Variants in KIF20B observed in about 807,000 individuals in gnomAD.
KIF20B encodes the protein kinesin-like protein KIF20B.
A neutral mutation model predicts 232.5 loss-of-function variants in KIF20B; 188 were observed. The ratio of observed to expected loss-of-function variants is 0.81; its 90% CI spans 0.72 to 0.91. The LOEUF is 0.91. Among genes scored for constraint, KIF20B ranks in the 40% least tolerant of loss-of-function variants. KIF20B has a pLI of 0.00. For missense variants in KIF20B, 2,154 were observed against 2,055.9 expected (o/e 1.05, Z -0.92); for synonymous variants, 712 against 683.0 (o/e 1.04, Z -0.66).
intron 2 of KIF20B, among the ~76,000 whole-genome samples, chr10:89,705,810 C>T (rs1226368973): frequency 6.6e-6 from 1 of 152,150 alleles, no homozygotes; most frequent in Non-Finnish European, 1.5e-5. Context: ...TTTATTGACT[C>T]CTGGATTGGC....
At chr10:89,760,236 C>T (rs1215362095) in intron 27 of KIF20B, among the ~76,000 whole-genome samples, 3 of 151,998 alleles carry the variant, frequency 2.0e-5, no homozygotes, top group Non-Finnish European at 4.4e-5. Context: ...TGCAGAGTTG[C>T]GATGAAAGTA....
At chr10:89,745,407 C>A (rs1341179241) in intron 22 of KIF20B, among the ~76,000 whole-genome samples, 1 of 152,098 alleles carries the variant, frequency 6.6e-6, no homozygotes, top group African/African-American at 2.4e-5. Context: ...CCTATAATCC[C>A]AGTTACTCAG....
chr10:89,770,939 C>G (rs1293088457), intron 31 of KIF20B, among the ~76,000 whole-genome samples: 1 of 152,048 alleles, frequency 6.6e-6, no homozygotes, highest in Admixed American at 6.6e-5. Flanking sequence ...ATTTCTGACT[C>G]TCTCCAATCT....
At position 89,727,859 on chromosome 10, in the gene KIF20B, C is replaced by T. The variant is rs776398093; in HGVS notation, c.2234C>T (p.Ser745Leu). 1.3e-6 allele frequency: 2 copies of T among 1,551,564 alleles called. No homozygotes were observed. Among genetic ancestry groups the T allele is most frequent in the Admixed American group, 3.7e-5 (2 of 54,626 alleles). The part of the protein sequence containing the change: ...KEELKKRENE[S>L]DSLIQELETS... ...TCAATGTTCTTTATTTTTTCAGAAT[C>T]AGATTCATTGATTCAAGAGCTTGAG... The change falls in exon 17 of 33, where the codon TCA (serine) becomes TTA (leucine). Residue 745 changes from serine to leucine, a missense_variant. By Grantham distance (145) the Ser-to-Leu change is moderately radical (BLOSUM62 -2). Coordinates refer to ENST00000371728, the MANE Select transcript of KIF20B (RefSeq NM_001284259.2).
chr10:89,761,201 T>A (rs1842231477), intron 28 of KIF20B, among the ~76,000 whole-genome samples: 1 of 152,198 alleles, frequency 6.6e-6, no homozygotes, highest in Non-Finnish European at 1.5e-5. Flanking sequence ...GTTGGGAACC[T>A]TTTTAAGCAC....
At chr10:89,716,838 C>T (rs1481276678) in intron 9 of KIF20B, among the ~76,000 whole-genome samples, 1 of 152,054 alleles carries the variant, frequency 6.6e-6, no homozygotes, top group Non-Finnish European at 1.5e-5. Flanking sequence ...GTGGCCTTTT[C>T]TCTGGGTCTT....
chr10:89,715,144 G>C lies in KIF20B; in HGVS notation c.902G>C (p.Arg301Pro). ...AAATTCCAAAAGAGAAAGATGCTGC[G>C]CCTTTCCCAAGACGTAAAGGGCTAT... ...SSKFQKRKML[R>P]LSQDVKGYSF... Residue 301 changes from arginine to proline, a missense_variant, in exon 8 of 33, where the codon CGC becomes CCC. Coordinates refer to ENST00000371728, the MANE Select transcript of KIF20B (RefSeq NM_001284259.2). 6.2e-7 allele frequency: 1 copy of C among 1,605,026 alleles called. No homozygotes were observed. The highest frequency in any genetic ancestry group is 8.5e-7 in the Non-Finnish European group (1 of 1,176,232).
chr10:89,754,097 C>A (rs1730280596), intron 25 of KIF20B, among the ~76,000 whole-genome samples: 1 of 150,660 alleles, frequency 6.6e-6, no homozygotes. Context: ...TATCCTGTTG[C>A]ACAAGTTATT....
At chr10:89,725,463 A>G (rs995976875) in intron 15 of KIF20B, among the ~76,000 whole-genome samples, 1 of 152,200 alleles carries the variant, frequency 6.6e-6, no homozygotes, top group African/African-American at 2.4e-5. Context: ...ACATTTTTAA[A>G]TAAAAAGAAT....
At chr10:89,744,160 C>A (rs61870766) in intron 22 of KIF20B, among the ~76,000 whole-genome samples, 6,639 of 152,070 alleles carry the variant, frequency 0.044, 192 homozygotes, top group Middle Eastern at 0.082. Context: ...ATAATAACTT[C>A]ATAGTGAAGA....
intron 1 of KIF20B, among the ~76,000 whole-genome samples, chr10:89,704,722 AT>A (rs1305999657): frequency 2.0e-5 from 3 of 151,718 alleles, no homozygotes; most frequent in Non-Finnish European, 4.4e-5. Context: ...CGCCTGGCTA[AT>A]TTTTTTTGTA....
chr10:89,703,455 A>G (rs1344465047), intron 1 of KIF20B, among the ~76,000 whole-genome samples: 1 of 152,138 alleles, frequency 6.6e-6, no homozygotes, highest in Admixed American at 6.6e-5. Flanking sequence ...GCCACCATCT[A>G]GAGGGGAAAG....
chr10:89,709,140 C>G, intron 2 of KIF20B, 27 bp from the exon 3 acceptor site: 1 of 1,499,644 alleles, frequency 6.7e-7, no homozygotes, highest in Non-Finnish European at 9.2e-7. Context: ...TTCAAAAACA[C>G]AATGTTTTTC....
At chr10:89,755,332 A>C (rs1311809198) in intron 26 of KIF20B, among the ~76,000 whole-genome samples, 1 of 152,076 alleles carries the variant, frequency 6.6e-6, no homozygotes, top group Non-Finnish European at 1.5e-5. Context: ...TTGACTAAAA[A>C]CAGTTAAACT....
At position 89,710,034 on chromosome 10, in the gene KIF20B, A is replaced by G; in HGVS notation, c.459A>G (p.Leu153=). The G allele has an allele frequency of 1.2e-6, 2 of 1,608,922 alleles. No homozygotes were observed. Among genetic ancestry groups the G allele is most frequent in the South Asian group, 2.2e-5 (2 of 89,900 alleles). The change falls in exon 5 of 33, where the codon CTA becomes CTG. Residue 153 remains leucine (L), a synonymous_variant. Transcript: ENST00000371728. ...GTCGTCTGATTTTTACTTACGGGCTAACCAATTCAGGAAAAACATATACAT... is the reference window on the plus strand; with the variant it reads ...GTCGTCTGATTTTTACTTACGGGCTGACCAATTCAGGAAAAACATATACAT... The part of the protein sequence containing the change: ...GQSRLIFTYG[L]TNSGKTYTFQ...
At chr10:89,771,957 C>T (rs913826229) in intron 31 of KIF20B, among the ~76,000 whole-genome samples, 15 of 151,900 alleles carry the variant, frequency 9.9e-5, no homozygotes, top group African/African-American at 2.9e-4. Context: ...ACTGGCTTCT[C>T]CGATACCTGG....
chr10:89,742,247 G>A (rs955861599), intron 21 of KIF20B, among the ~76,000 whole-genome samples: 1 of 152,194 alleles, frequency 6.6e-6, no homozygotes, highest in Non-Finnish European at 1.5e-5. Context: ...GGTGGAGGAT[G>A]CAAACAGAAG....
chr10:89,727,553 A>G (rs1843217362), intron 16 of KIF20B, among the ~76,000 whole-genome samples: 1 of 152,252 alleles, frequency 6.6e-6, no homozygotes, highest in Non-Finnish European at 1.5e-5. Context: ...GCATTATGAA[A>G]TGTACTTAAA....
intron 29 of KIF20B, among the ~76,000 whole-genome samples, chr10:89,765,798 ATTCTT>A (rs1333957930): frequency 6.6e-6 from 1 of 152,056 alleles, no homozygotes; most frequent in African/African-American, 2.4e-5. Flanking sequence ...TGGGTTGAAA[ATTCTT>A]TTCTTTAAGA....
Sources: gnomAD v4.1 joint callset for allele counts (sites outside exome capture counted in the v4.1 genomes callset) on GRCh38, gnomAD v4.1.1 for gene constraint, MANE v1.5 for transcripts, NCBI Gene and HGNC (gene_info 2026-07-23, HGNC 2026-07-21) for gene names.